Variants in PDS5B observed in about 807,000 individuals in gnomAD.
The protein encoded by PDS5B is sister chromatid cohesion protein PDS5 homolog B.
A neutral mutation model predicts 184.1 loss-of-function variants in PDS5B; 51 were observed. The ratio of observed to expected loss-of-function variants is 0.28; its 90% CI spans 0.22 to 0.35. PDS5B has a LOEUF of 0.35. Ranked by LOEUF, PDS5B falls within the 10% of genes least tolerant of loss-of-function variation. The pLI, the probability that PDS5B is intolerant of heterozygous loss-of-function variation, is 1.00. For synonymous variants in PDS5B, 566 were observed against 569.2 expected (o/e 0.99, Z 0.08); for missense variants, 1,180 against 1,723.3 (o/e 0.68, Z 5.58).
chr13:32,734,835 G>A (rs1953265774), intron 20 of PDS5B, among the ~76,000 whole-genome samples: 1 of 152,180 alleles, frequency 6.6e-6, no homozygotes, highest in Non-Finnish European at 1.5e-5. Context: ...ATATTGGTGA[G>A]CCCTAGCAGT....
chr13:32,606,962 G>A (rs2058069545), intron 1 of PDS5B, among the ~76,000 whole-genome samples: 1 of 152,228 alleles, frequency 6.6e-6, no homozygotes, highest in Non-Finnish European at 1.5e-5. Context: ...TTAGCCATTC[G>A]TCTAATCTTT....
chr13:32,691,974 A>G (rs1339165560), intron 13 of PDS5B, among the ~76,000 whole-genome samples: 3 of 151,920 alleles, frequency 2.0e-5, no homozygotes, highest in Non-Finnish European at 4.4e-5. Context: ...TGATTTCACC[A>G]CACTCCCCAC....
At chr13:32,650,651 T>C (rs1950345428) in intron 2 of PDS5B, 1 of 152,190 alleles carries the variant, frequency 6.6e-6, no homozygotes, top group Admixed American at 6.6e-5. Context: ...ATAAAAAAGC[T>C]AAAAGACCCA....
intron 24 of PDS5B, among the ~76,000 whole-genome samples, chr13:32,748,418 C>G (rs1953840125): frequency 6.7e-6 from 1 of 149,838 alleles, no homozygotes; most frequent in Non-Finnish European, 1.5e-5. Context: ...GTTTCTGTCT[C>G]TTGATTGTTG....
intron 1 of PDS5B, among the ~76,000 whole-genome samples, chr13:32,615,811 C>A (rs2058209843): frequency 6.6e-6 from 1 of 152,036 alleles, no homozygotes; most frequent in African/African-American, 2.4e-5. Flanking sequence ...ATATAAGTAA[C>A]TTATATAGTC....
intron 7 of PDS5B, among the ~76,000 whole-genome samples, chr13:32,671,667 C>G (rs9591236): frequency 0.38 from 58,291 of 151,920 alleles, 11,651 homozygotes; most frequent in Non-Finnish European, 0.44. Flanking sequence ...GTAGTCTGGT[C>G]TGATTCATAG....
chr13:32,759,196 T>C (rs1281500806), intron 28 of PDS5B, among the ~76,000 whole-genome samples: 1 of 152,190 alleles, frequency 6.6e-6, no homozygotes, highest in Non-Finnish European at 1.5e-5. Context: ...TAACAGAGTC[T>C]GGAAATAACC....
chr13:32,610,788 G>T (rs1593258708), intron 1 of PDS5B, among the ~76,000 whole-genome samples: 1 of 152,072 alleles, frequency 6.6e-6, no homozygotes, highest in Non-Finnish European at 1.5e-5. Context: ...CTAGGAAAGA[G>T]ATTACTTACC....
chr13:32,614,861 T>C (rs2058195110), intron 1 of PDS5B, among the ~76,000 whole-genome samples: 1 of 152,248 alleles, frequency 6.6e-6, no homozygotes, highest in African/African-American at 2.4e-5. Context: ...CTCTTAATCC[T>C]GTTGGAAGTC....
chr13:32,653,900 C>T (rs537191402), intron 3 of PDS5B, among the ~76,000 whole-genome samples: 2 of 152,268 alleles, frequency 1.3e-5, no homozygotes, highest in Admixed American at 1.3e-4. Flanking sequence ...ATTTATCTCT[C>T]TTGGGGATCT....
At chr13:32,672,822 A>G (rs942649733) in intron 7 of PDS5B, among the ~76,000 whole-genome samples, 3 of 152,228 alleles carry the variant, frequency 2.0e-5, no homozygotes, top group African/African-American at 4.8e-5. Context: ...CTCCTCTGCA[A>G]ACATCATTGC....
chr13:32,747,134 A>G (rs1953776333), intron 24 of PDS5B, among the ~76,000 whole-genome samples: 2 of 152,188 alleles, frequency 1.3e-5, no homozygotes, highest in Non-Finnish European at 2.9e-5. Context: ...GAGTAACTTT[A>G]TATTTGGGCT....
intron 1 of PDS5B, among the ~76,000 whole-genome samples, chr13:32,622,562 T>C (rs2058316646): frequency 6.6e-6 from 1 of 152,230 alleles, no homozygotes; most frequent in African/African-American, 2.4e-5. Flanking sequence ...ATTACCTTGT[T>C]TAAGTCTTCT....
At chr13:32,679,764 A>G (rs961890009) in intron 10 of PDS5B, among the ~76,000 whole-genome samples, 1 of 152,194 alleles carries the variant, frequency 6.6e-6, no homozygotes, top group Non-Finnish European at 1.5e-5. Context: ...GTGCTTAGAC[A>G]GCTTGCTCTG....
chr13:32,636,239 T>A (rs1441640652), intron 1 of PDS5B, among the ~76,000 whole-genome samples: 7 of 152,248 alleles, frequency 4.6e-5, no homozygotes, highest in Admixed American at 4.6e-4. Context: ...GGATGATTCC[T>A]ACTTTTATAG....
At chr13:32,679,884 AGTGTGTGTGTGTGTGTGTGT>A (rs34635708) in intron 10 of PDS5B, among the ~76,000 whole-genome samples, 3 of 143,616 alleles carry the variant, frequency 2.1e-5, no homozygotes, top group Non-Finnish European at 4.6e-5. Context: ...TTCGTCTGTG[AGTGTGTGTGTGTGTGTGTGT>A]GTGTGTGTGT....
intron 24 of PDS5B, among the ~76,000 whole-genome samples, chr13:32,747,149 C>T (rs1172698786): frequency 3.9e-5 from 6 of 152,030 alleles, no homozygotes; most frequent in African/African-American, 1.4e-4. Flanking sequence ...TGGGCTGTAC[C>T]GCTTTAGAAG....
At chr13:32,685,598 A>G (rs1046627310) in intron 11 of PDS5B, among the ~76,000 whole-genome samples, 3 of 152,214 alleles carry the variant, frequency 2.0e-5, no homozygotes, top group African/African-American at 2.4e-5. Context: ...ATTAAGAGTT[A>G]GATACAACAT....
At chr13:32,715,455 T>G (rs1480828274) in intron 19 of PDS5B, among the ~76,000 whole-genome samples, 1 of 152,248 alleles carries the variant, frequency 6.6e-6, no homozygotes, top group African/African-American at 2.4e-5. Flanking sequence ...TCTTTGCCTA[T>G]CATTTTAGTT....
Sources: gnomAD v4.1 joint callset for allele counts (sites outside exome capture counted in the v4.1 genomes callset) on GRCh38, gnomAD v4.1.1 for gene constraint, MANE v1.5 for transcripts, NCBI Gene and HGNC (gene_info 2026-07-23, HGNC 2026-07-21) for gene names.